COG5: variants seen among roughly 807,000 people sequenced by gnomAD.
The protein encoded by COG5 is conserved oligomeric Golgi complex subunit 5.
Under a neutral mutation model 110.4 loss-of-function variants are expected in COG5, and 86 were observed. The ratio of observed to expected loss-of-function variants is 0.78; its 90% CI spans 0.65 to 0.93. COG5 has a LOEUF of 0.93. Ranked by LOEUF, COG5 falls within the 40% of genes least tolerant of loss-of-function variation. The pLI, the probability that COG5 is intolerant of heterozygous loss-of-function variation, is 0.00. For missense variants in COG5, 1,077 were observed against 987.0 expected (o/e 1.09, Z -1.22); for synonymous variants, 360 against 334.6 (o/e 1.08, Z -0.83).
At chr7:107,481,435 G>C (rs1023295048) in intron 6 of COG5, among the ~76,000 whole-genome samples, 1 of 152,054 alleles carries the variant, frequency 6.6e-6, no homozygotes, top group Non-Finnish European at 1.5e-5. Context: ...ATTAAACGTA[G>C]ACTGTAGGAG....
At position 107,474,798 on chromosome 7, in the gene COG5, T is replaced by A; in HGVS notation, c.538+52439A>T. 6.2e-7 allele frequency: 1 copy of A among 1,612,684 alleles called. No individual in the cohort carries two copies. The highest frequency in any genetic ancestry group is 2.2e-5 in the East Asian group (1 of 44,762). On this transcript the variant is annotated intron_variant, in intron 6 of 21. Coordinates refer to ENST00000297135, the MANE Select transcript of COG5 (RefSeq NM_006348.5). The surrounding 1 kb of genome is among the most constrained non-coding windows in gnomAD (Gnocchi z 5.7). ...TTAATATTCGAATAGGCACAAGATTTTCAACAGGGCAGAAGAAGAAAGCAA... is the reference window on the plus strand; with the variant it reads ...TTAATATTCGAATAGGCACAAGATTATCAACAGGGCAGAAGAAGAAAGCAA...
chr7:107,320,074 T>C (rs1220219123), intron 11 of COG5, among the ~76,000 whole-genome samples: 3 of 152,120 alleles, frequency 2.0e-5, no homozygotes, highest in African/African-American at 7.2e-5. Context: ...AAAAGACCCA[T>C]GCAGGCAAGC....
chr7:107,523,739 C>T (rs958995681), intron 6 of COG5, among the ~76,000 whole-genome samples: 5 of 151,742 alleles, frequency 3.3e-5, no homozygotes, highest in East Asian at 3.9e-4. Context: ...TGCTTAAACC[C>T]GGGAGGCGGA....
chr7:107,466,067 G>GA (rs1404640412), intron 6 of COG5, among the ~76,000 whole-genome samples: 1 of 152,076 alleles, frequency 6.6e-6, no homozygotes, highest in Admixed American at 6.5e-5. Flanking sequence ...GGAAGCAAGA[G>GA]AAAAGAGAAA....
intron 10 of COG5, among the ~76,000 whole-genome samples, chr7:107,333,773 C>G (rs1014679127): frequency 6.6e-6 from 1 of 152,170 alleles, no homozygotes; most frequent in Non-Finnish European, 1.5e-5. Flanking sequence ...TTAATGCTAA[C>G]TAGAACAGTA....
At chr7:107,308,244 C>G (rs1210537999) in intron 11 of COG5, among the ~76,000 whole-genome samples, 1 of 152,174 alleles carries the variant, frequency 6.6e-6, no homozygotes, top group Admixed American at 6.5e-5. Flanking sequence ...TTCACCTTGA[C>G]TGCATCTTGA....
At chr7:107,220,144 C>T (rs1029330202) in intron 19 of COG5, among the ~76,000 whole-genome samples, 11 of 152,202 alleles carry the variant, frequency 7.2e-5, no homozygotes, top group South Asian at 2.1e-4. Context: ...GTAGCAACTA[C>T]TCATCCTATT....
At chr7:107,388,969 C>T (rs983446550) in intron 7 of COG5, among the ~76,000 whole-genome samples, 1 of 152,218 alleles carries the variant, frequency 6.6e-6, no homozygotes, top group Non-Finnish European at 1.5e-5. Flanking sequence ...ACGAATTCTA[C>T]TCCAGACACA....
intron 10 of COG5, among the ~76,000 whole-genome samples, chr7:107,325,854 G>T (rs1379562372): frequency 6.6e-6 from 1 of 151,940 alleles, no homozygotes; most frequent in Admixed American, 6.6e-5. Flanking sequence ...TAAGTCTTAT[G>T]GTTGTAAATT....
intron 7 of COG5, among the ~76,000 whole-genome samples, chr7:107,390,245 G>A (rs748680410): frequency 1.3e-5 from 2 of 151,956 alleles, no homozygotes; most frequent in Non-Finnish European, 2.9e-5. Context: ...TAATCATCCC[G>A]GCAACTGCTT....
chr7:107,495,826 T>C (rs1444331266), intron 6 of COG5, among the ~76,000 whole-genome samples: 2 of 152,158 alleles, frequency 1.3e-5, no homozygotes, highest in Non-Finnish European at 2.9e-5. Flanking sequence ...CAAAAGTATT[T>C]GATTAACATA....
intron 6 of COG5, among the ~76,000 whole-genome samples, chr7:107,485,878 T>C (rs887966239): frequency 2.0e-5 from 3 of 152,060 alleles, no homozygotes; most frequent in Admixed American, 1.3e-4. Context: ...AGGAGGCACA[T>C]GTACCTGGAA....
chr7:107,204,583 G>C (rs1798615774), intron 21 of COG5, among the ~76,000 whole-genome samples: 1 of 152,146 alleles, frequency 6.6e-6, no homozygotes, highest in Admixed American at 6.5e-5. Flanking sequence ...CCATTACTCA[G>C]CTCACATACG....
At chr7:107,435,753 C>T (rs1238125209) in intron 6 of COG5, among the ~76,000 whole-genome samples, 1 of 152,112 alleles carries the variant, frequency 6.6e-6, no homozygotes, top group Non-Finnish European at 1.5e-5. Context: ...TCTCAAAAGA[C>T]TAAACATAGA....
At chr7:107,363,859 G>A (rs540710024) in intron 8 of COG5, among the ~76,000 whole-genome samples, 1 of 151,796 alleles carries the variant, frequency 6.6e-6, no homozygotes, top group Admixed American at 6.6e-5. Context: ...GGAGGCTGAG[G>A]CAGGAGAATT....
intron 18 of COG5, among the ~76,000 whole-genome samples, chr7:107,234,705 G>GA (rs1353026547): frequency 6.6e-6 from 1 of 151,760 alleles, no homozygotes; most frequent in African/African-American, 2.4e-5. Flanking sequence ...GAAAGAAGAT[G>GA]AAACAAAAAG....
At chr7:107,308,746 T>C (rs1233319889) in intron 11 of COG5, among the ~76,000 whole-genome samples, 3 of 150,898 alleles carry the variant, frequency 2.0e-5, no homozygotes, top group African/African-American at 7.3e-5. Context: ...CCATTACCAA[T>C]AAAAAAAGTA....
intron 6 of COG5, among the ~76,000 whole-genome samples, chr7:107,504,889 T>C (rs897810943): frequency 6.6e-6 from 1 of 152,182 alleles, no homozygotes; most frequent in Admixed American, 6.5e-5. Context: ...TCTTCTTTTT[T>C]TTCTTGGTTC....
rs913478748 is a variant in COG5 at position 107,474,104 on chromosome 7, C to G, written c.538+53133G>C. 6.2e-6 allele frequency: 10 copies of G among 1,600,938 alleles called. No homozygotes were observed. Among genetic ancestry groups the G allele is most frequent in the Non-Finnish European group, 8.5e-6 (10 of 1,172,342 alleles). On this transcript the variant is annotated intron_variant, in intron 6 of 21. Coordinates refer to ENST00000297135, the MANE Select transcript of COG5 (RefSeq NM_006348.5). The surrounding 1 kb of genome is among the most constrained non-coding windows in gnomAD (Gnocchi z 5.7). ...CTGGAAATCAACATGCAGTCTGAAT[C>G]TAACATTACAGTGCGAGATGACATT...
Sources: allele counts gnomAD v4.1 joint callset (sites outside exome capture counted in the v4.1 genomes callset), GRCh38; gene constraint gnomAD v4.1.1; non-coding constraint Gnocchi (gnomAD v3.1); transcripts MANE v1.5; gene names NCBI Gene and HGNC (gene_info 2026-07-23, HGNC 2026-07-21).